POLA1: variants seen among roughly 807,000 people sequenced by gnomAD.
POLA1 encodes DNA polymerase alpha 1, catalytic subunit.
Under a neutral mutation model 124.0 loss-of-function variants are expected in POLA1, and 15 were observed. That is an observed-to-expected ratio of 0.12 (90% CI 0.08 to 0.19). The LOEUF is 0.19. Among genes scored for constraint, POLA1 ranks in the 10% least tolerant of loss-of-function variants. POLA1 has a pLI of 1.00. For synonymous variants in POLA1, 408 were observed against 389.4 expected (o/e 1.05, Z -0.56); for missense variants, 886 against 1,103.4 (o/e 0.80, Z 2.79).
chrX:24,700,572 G>A (rs1928344115), intron 2 of POLA1, among the ~76,000 whole-genome samples: 1 of 111,992 alleles, frequency 8.9e-6, no homozygotes, highest in Non-Finnish European at 1.9e-5. Flanking sequence ...GCAATGGCAC[G>A]ATCTTGGTTC....
At chrX:24,831,590 T>G (rs1214857290) in intron 32 of POLA1, among the ~76,000 whole-genome samples, 1 of 109,839 alleles carries the variant, frequency 9.1e-6, no homozygotes, top group Non-Finnish European at 1.9e-5. Flanking sequence ...CTGGCTAATT[T>G]TTGTATTTTT....
At chrX:24,938,371 G>A (rs1333385403) in intron 36 of POLA1, among the ~76,000 whole-genome samples, 1 of 111,438 alleles carries the variant, frequency 9.0e-6, no homozygotes, top group African/African-American at 3.3e-5. Flanking sequence ...AGCCGAGATC[G>A]CACCATAGCA....
At chrX:24,791,426 G>T (rs576966900) in intron 26 of POLA1, among the ~76,000 whole-genome samples, 1 of 112,537 alleles carries the variant, frequency 8.9e-6, no homozygotes, top group South Asian at 3.7e-4. Context: ...TTGCCCTGTC[G>T]TCCAGGCTGG....
chrX:24,897,368 C>A (rs1422061607), intron 35 of POLA1, among the ~76,000 whole-genome samples: 3 of 51,121 alleles, frequency 5.9e-5, no homozygotes, highest in African/African-American at 2.2e-4. Flanking sequence ...CCCCCCCCCC[C>A]ACCAACCCCC....
At chrX:24,799,085 C>T (rs1438806584) in intron 26 of POLA1, among the ~76,000 whole-genome samples, 1 of 112,062 alleles carries the variant, frequency 8.9e-6, no homozygotes, top group African/African-American at 3.2e-5. Flanking sequence ...AGCTCTGGTA[C>T]TGAGCAAGGG....
intron 21 of POLA1, 142 bp from the exon 22 acceptor site, chrX:24,741,860 C>A: frequency 2.2e-6 from 1 of 447,564 alleles, no homozygotes; most frequent in East Asian, 4.1e-5. Context: ...TAATTTAGTA[C>A]CTTTTTTTTT....
chrX:24,933,690 A>C (rs922310838), intron 36 of POLA1, among the ~76,000 whole-genome samples: 4 of 112,379 alleles, frequency 3.6e-5, no homozygotes, highest in Non-Finnish European at 7.5e-5. Context: ...TGGTGGTTTT[A>C]ATTTTTGTTT....
intron 35 of POLA1, among the ~76,000 whole-genome samples, chrX:24,889,303 C>A (rs749674705): frequency 8.9e-6 from 1 of 112,302 alleles, no homozygotes; most frequent in Non-Finnish European, 1.9e-5. Context: ...CTGTTGACCC[C>A]TTTGAGCATC....
chrX:24,756,542 AAC>A (rs1269843434), intron 26 of POLA1, among the ~76,000 whole-genome samples: 1 of 109,658 alleles, frequency 9.1e-6, no homozygotes. Flanking sequence ...CAGTCTGGGC[AAC>A]AGAGTGAGAC....
intron 32 of POLA1, among the ~76,000 whole-genome samples, chrX:24,828,987 T>C (rs2046217934): frequency 8.9e-6 from 1 of 112,218 alleles, no homozygotes; most frequent in African/African-American, 3.2e-5. Flanking sequence ...TGCTGTATCA[T>C]AGGCTGCCTT....
At chrX:24,869,125 G>A (rs945961252) in intron 34 of POLA1, among the ~76,000 whole-genome samples, 8 of 111,797 alleles carry the variant, frequency 7.2e-5, no homozygotes, top group Non-Finnish European at 7.5e-5. Context: ...ATAGAGACAG[G>A]GTCTCACCAT....
At chrX:24,933,813 A>C (rs965070177) in intron 36 of POLA1, among the ~76,000 whole-genome samples, 1 of 112,524 alleles carries the variant, frequency 8.9e-6, no homozygotes, top group Non-Finnish European at 1.9e-5. Flanking sequence ...CTTTCAAACG[A>C]GAGTTTACAG....
chrX:24,766,393 C>T (rs753884281), intron 26 of POLA1, among the ~76,000 whole-genome samples: 5 of 111,955 alleles, frequency 4.5e-5, no homozygotes, highest in South Asian at 7.5e-4. Context: ...GTAGGTGCTT[C>T]GTTGGTATTT....
At chrX:24,712,990 T>A (rs1157906190) in intron 4 of POLA1, among the ~76,000 whole-genome samples, 1 of 111,702 alleles carries the variant, frequency 9.0e-6, no homozygotes, top group Non-Finnish European at 1.9e-5. Flanking sequence ...AGAGTCTTGC[T>A]CTGTTGCCCA....
chrX:24,715,071 A>G (rs768156454), intron 5 of POLA1, 70 bp from the exon 6 acceptor site: 11 of 718,149 alleles, frequency 1.5e-5, no homozygotes, highest in Admixed American at 2.3e-5. Flanking sequence ...TTTCATATAC[A>G]TGTGTGTAGT....
At chrX:24,916,117 T>G (rs2047526155) in intron 35 of POLA1, among the ~76,000 whole-genome samples, 1 of 111,438 alleles carries the variant, frequency 9.0e-6, no homozygotes. Flanking sequence ...TAACATAGGC[T>G]TGGGAATTGA....
chrX:24,953,386 G>GA (rs1275976250), intron 36 of POLA1, among the ~76,000 whole-genome samples: 1 of 112,161 alleles, frequency 8.9e-6, no homozygotes, highest in African/African-American at 3.2e-5. Context: ...GAAGAGTAAA[G>GA]AGCAAGATCA....
chrX:24,955,755 T>C (rs1487286284), intron 36 of POLA1, among the ~76,000 whole-genome samples: 1 of 111,903 alleles, frequency 8.9e-6, no homozygotes, highest in Non-Finnish European at 1.9e-5. Context: ...ATTTTGGTTG[T>C]GACGGTGGAG....
chrX:24,895,231 A>G (rs986417047), intron 35 of POLA1, among the ~76,000 whole-genome samples: 8 of 112,463 alleles, frequency 7.1e-5, no homozygotes, highest in Admixed American at 9.4e-5. Context: ...AAGAACAGAC[A>G]TTTAATTCTC....
Sources: allele counts gnomAD v4.1 joint callset (sites outside exome capture counted in the v4.1 genomes callset), GRCh38; gene constraint gnomAD v4.1.1; transcripts MANE v1.5; gene names NCBI Gene and HGNC (gene_info 2026-07-23, HGNC 2026-07-21).